Variants in GRB14 observed in about 807,000 individuals in gnomAD.
GRB14 encodes growth factor receptor bound protein 14, also known as growth factor receptor-bound protein 14.
Under a neutral mutation model 69.1 loss-of-function variants are expected in GRB14, and 38 were observed. The observed-to-expected ratio is 0.55, with a 90% CI of 0.42 to 0.72. The LOEUF (loss-of-function observed/expected upper bound fraction) is 0.72. Among genes scored for constraint, GRB14 ranks in the 30% least tolerant of loss-of-function variants. The pLI, the probability that GRB14 is intolerant of heterozygous loss-of-function variation, is 0.00. For missense variants in GRB14, 666 were observed against 666.1 expected (o/e 1.00, Z 0.00); for synonymous variants, 247 against 241.3 (o/e 1.02, Z -0.22).
intron 2 of GRB14, among the ~76,000 whole-genome samples, chr2:164,616,873 A>G (rs1463306561): frequency 6.6e-6 from 1 of 152,236 alleles, no homozygotes; most frequent in Non-Finnish European, 1.5e-5. Flanking sequence ...CATAAATAAT[A>G]CTCAGTAGAA....
intron 3 of GRB14, among the ~76,000 whole-genome samples, chr2:164,534,538 G>A (rs1439459551): frequency 2.6e-5 from 4 of 152,076 alleles, no homozygotes. Flanking sequence ...TGCAAAAGGA[G>A]GTGAAATGTT....
At chr2:164,512,585 G>A (rs957589849) in intron 6 of GRB14, among the ~76,000 whole-genome samples, 10 of 152,198 alleles carry the variant, frequency 6.6e-5, no homozygotes, top group South Asian at 2.1e-4. Flanking sequence ...GCTTCACTAC[G>A]TGCTGACTGT....
intron 2 of GRB14, among the ~76,000 whole-genome samples, chr2:164,617,960 G>GGT (rs1491123044): frequency 3.7e-4 from 5 of 13,442 alleles, no homozygotes; most frequent in Non-Finnish European, 1.0e-3. Flanking sequence ...TCTTTTTTTT[G>GGT]GGGGGGGGGG....
intron 2 of GRB14, among the ~76,000 whole-genome samples, chr2:164,570,202 G>A (rs976380112): frequency 4.0e-5 from 6 of 150,332 alleles, no homozygotes; most frequent in Non-Finnish European, 5.9e-5. Context: ...GCTTGAACCC[G>A]GGAGGTGGAG....
intron 3 of GRB14, among the ~76,000 whole-genome samples, chr2:164,530,893 C>G (rs1687916479): frequency 6.6e-6 from 1 of 152,086 alleles, no homozygotes. Context: ...CACTGTGGAG[C>G]AGAAAACTGA....
At chr2:164,578,535 C>T (rs1689311471) in intron 2 of GRB14, among the ~76,000 whole-genome samples, 1 of 151,670 alleles carries the variant, frequency 6.6e-6, no homozygotes, top group African/African-American at 2.4e-5. Flanking sequence ...CACACACACA[C>T]ACACACACAC....
chr2:164,564,669 TC>T (rs1324498055), intron 2 of GRB14, among the ~76,000 whole-genome samples: 1 of 152,174 alleles, frequency 6.6e-6, no homozygotes, highest in Non-Finnish European at 1.5e-5. Flanking sequence ...TATGAACATC[TC>T]CTGTAATTGT....
intron 9 of GRB14, among the ~76,000 whole-genome samples, chr2:164,500,373 T>C (rs1687018470): frequency 6.6e-6 from 1 of 152,048 alleles, no homozygotes; most frequent in South Asian, 2.1e-4. Flanking sequence ...CTGGAAAAGT[T>C]AGGAAAAGAA....
intron 2 of GRB14, among the ~76,000 whole-genome samples, chr2:164,569,982 T>C (rs1689088087): frequency 6.6e-6 from 1 of 152,136 alleles, no homozygotes; most frequent in Non-Finnish European, 1.5e-5. Context: ...AAGACCATGG[T>C]AACAAATAAT....
intron 2 of GRB14, among the ~76,000 whole-genome samples, chr2:164,586,754 G>A (rs1689548831): frequency 6.6e-6 from 1 of 152,166 alleles, no homozygotes; most frequent in Non-Finnish European, 1.5e-5. Flanking sequence ...TGATCAAAAT[G>A]ATAAGCTTAG....
intron 6 of GRB14, among the ~76,000 whole-genome samples, chr2:164,513,971 C>G (rs1490740988): frequency 6.6e-6 from 1 of 152,164 alleles, no homozygotes; most frequent in Non-Finnish European, 1.5e-5. Flanking sequence ...ACACAGAAAC[C>G]AGGCAGCACT....
chr2:164,506,959 T>C (rs1687207624), intron 8 of GRB14, among the ~76,000 whole-genome samples: 1 of 152,164 alleles, frequency 6.6e-6, no homozygotes, highest in African/African-American at 2.4e-5. Flanking sequence ...TGGTGATTGC[T>C]AGGGTGTGGG....
intron 2 of GRB14, among the ~76,000 whole-genome samples, chr2:164,582,909 CA>C (rs2105339443): frequency 6.6e-6 from 1 of 152,296 alleles, no homozygotes; most frequent in African/African-American, 2.4e-5. Flanking sequence ...TCCTTGAACA[CA>C]AATGTCTTTA....
intron 2 of GRB14, among the ~76,000 whole-genome samples, chr2:164,582,948 G>A (rs1414107658): frequency 6.6e-6 from 1 of 152,106 alleles, no homozygotes; most frequent in Non-Finnish European, 1.5e-5. Context: ...ATTTATGTCA[G>A]TCACCACAGG....
intron 1 of GRB14, chr2:164,620,054 CT>C (rs1690410643): frequency 3.7e-4 from 43 of 116,842 alleles, no homozygotes; most frequent in African/African-American, 1.3e-3. Context: ...CTCTCTCTCT[CT>C]CTCTCTCCCC....
chr2:164,519,929 C>T (rs1381755971), intron 6 of GRB14, among the ~76,000 whole-genome samples: 1 of 151,954 alleles, frequency 6.6e-6, no homozygotes, highest in Non-Finnish European at 1.5e-5. Flanking sequence ...TTGAAAATGA[C>T]CATACTGCCA....
At chr2:164,620,072 CA>C (rs571169878) in intron 1 of GRB14, 4,730 of 81,308 alleles carry the variant, frequency 0.058, 146 homozygotes, top group Admixed American at 0.09. Context: ...CCCCTCCCAC[CA>C]CCCCTCCCCC....
rs1687707070 is a variant in GRB14 at position 164,524,136 on chromosome 2, G to C, written c.678+868C>G. On this transcript the variant is annotated intron_variant, in intron 5 of 13. Coordinates refer to ENST00000263915, the MANE Select transcript of GRB14 (RefSeq NM_004490.3). ...CCACAGAAAAATCCATGATAGCTCT[G>C]CCAACCTAATATTTTTAAGGTCAAA... is the stretch of plus-strand genomic sequence containing the variant. 3.9e-5 allele frequency among the ~76,000 whole-genome samples: 6 copies of C among 152,112 alleles called. No individual in the cohort carries two copies. The South Asian group carries it at 1.2e-3, about 32-fold the overall frequency.
chr2:164,501,291 A>G (rs1468869528), intron 9 of GRB14, among the ~76,000 whole-genome samples: 2 of 152,100 alleles, frequency 1.3e-5, no homozygotes, highest in Non-Finnish European at 2.9e-5. Context: ...AATCAACATT[A>G]TTTCATGCTT....
Sources: gnomAD v4.1 joint callset for allele counts (sites outside exome capture counted in the v4.1 genomes callset) on GRCh38, gnomAD v4.1.1 for gene constraint, MANE v1.5 for transcripts, NCBI Gene and HGNC (gene_info 2026-07-23, HGNC 2026-07-21) for gene names.